Variants in CUL2 observed in about 807,000 individuals in gnomAD.
CUL2 encodes cullin-2.
CUL2 carries 22 observed loss-of-function variants against 110.2 expected under a neutral mutation model. The ratio of observed to expected loss-of-function variants is 0.20; its 90% confidence interval spans 0.14 to 0.28. The LOEUF (loss-of-function observed/expected upper bound fraction) is 0.28. Ranked by LOEUF, CUL2 falls within the 10% of genes least tolerant of loss-of-function variation. The pLI, the probability that CUL2 is intolerant of heterozygous loss-of-function variation, is 1.00. For missense variants in CUL2, 631 were observed against 905.5 expected (o/e 0.70, Z 3.89); for synonymous variants, 279 against 293.2 (o/e 0.95, Z 0.49).
intron 17 of CUL2, among the ~76,000 whole-genome samples, chr10:35,018,924 C>T (rs2085116331): frequency 6.6e-6 from 1 of 151,710 alleles, no homozygotes. Flanking sequence ...ATGGGAATAC[C>T]AAGAGAAAAA....
intron 6 of CUL2, among the ~76,000 whole-genome samples, chr10:35,046,385 C>T (rs780859432): frequency 3.3e-5 from 5 of 152,084 alleles, no homozygotes; most frequent in Admixed American, 6.6e-5. Context: ...GTATACACAC[C>T]CTATGACCCC....
At chr10:35,095,637 C>A (rs2087285932), upstream of CUL2, among the ~76,000 whole-genome samples, 1 of 152,146 alleles carries the variant, frequency 6.6e-6, no homozygotes, top group Admixed American at 6.5e-5. Flanking sequence ...CTGCTCACTG[C>A]AACCTCCGCC....
chr10:35,093,092 C>T (rs1311271236), upstream of CUL2, among the ~76,000 whole-genome samples: 2 of 152,074 alleles, frequency 1.3e-5, no homozygotes, highest in South Asian at 2.1e-4. Flanking sequence ...GAGGCAGGCT[C>T]AGCACTCAAG....
chr10:35,023,755 A>AC (rs1554854169), intron 17 of CUL2, among the ~76,000 whole-genome samples: 1 of 130,822 alleles, frequency 7.6e-6, no homozygotes, highest in East Asian at 2.2e-4. Context: ...TAGTTTTCTT[A>AC]GGGGAAAAAA....
Position 35,011,897 on chromosome 10 carries a change from C to T in CUL2, c.2057G>A (p.Arg686His). The T allele has an allele frequency of 3.1e-6, 5 of 1,613,890 alleles. No individual in the cohort carries two copies. Among genetic ancestry groups the T allele is most frequent in the Admixed American group, 1.7e-5 (1 of 60,006 alleles). ...AAGCACTTTTCGTGCTTTCATGATACGAACTATAGCAGCTTGGAGATACAT... is the reference window on the plus strand; with the variant it reads ...AAGCACTTTTCGTGCTTTCATGATATGAACTATAGCAGCTTGGAGATACAT... ...RKMYLQAAIV[R>H]IMKARKVLRH... Residue 686 changes from arginine (R) to histidine (H), a missense_variant, in exon 20 of 21, where the codon CGT (arginine) becomes CAT (histidine). Transcript: ENST00000374749.
intron 2 of CUL2, among the ~76,000 whole-genome samples, chr10:35,099,077 C>T (rs137987201): frequency 1.6e-4 from 24 of 152,102 alleles, no homozygotes; most frequent in African/African-American, 5.5e-4. Flanking sequence ...AGTTCCTGGG[C>T]TAAGGAAGGT....
intron 1 of CUL2, among the ~76,000 whole-genome samples, chr10:35,112,808 A>C (rs1453715312): frequency 2.6e-5 from 4 of 152,222 alleles, no homozygotes; most frequent in African/African-American, 9.6e-5. Flanking sequence ...AAATAGATCA[A>C]GATTAAAGGC....
chr10:35,028,316 T>C (rs1412964230), intron 16 of CUL2, among the ~76,000 whole-genome samples: 1 of 152,208 alleles, frequency 6.6e-6, no homozygotes, highest in Non-Finnish European at 1.5e-5. Flanking sequence ...TACAGGACTC[T>C]CCTCTATTAG....
chr10:35,111,699 C>A (rs918455863), intron 1 of CUL2, among the ~76,000 whole-genome samples: 3 of 152,110 alleles, frequency 2.0e-5, no homozygotes, highest in Admixed American at 6.5e-5. Context: ...ACCAGCCTGG[C>A]CAACATGGTG....
At chr10:35,057,854 G>A (rs1009995175) in intron 4 of CUL2, among the ~76,000 whole-genome samples, 1 of 152,072 alleles carries the variant, frequency 6.6e-6, no homozygotes, top group African/African-American at 2.4e-5. Context: ...AGCACTTTGG[G>A]AGGCTGAGGC....
chr10:35,083,756 A>G (rs2135051762), intron 1 of CUL2, among the ~76,000 whole-genome samples: 1 of 152,312 alleles, frequency 6.6e-6, no homozygotes, highest in South Asian at 2.1e-4. Context: ...TAATCCCAAC[A>G]CTTTGGGAAA....
At chr10:35,107,175 T>C (rs1031313271) in intron 1 of CUL2, among the ~76,000 whole-genome samples, 10 of 151,624 alleles carry the variant, frequency 6.6e-5, no homozygotes, top group African/African-American at 2.2e-4. Context: ...GGGGTTTCAC[T>C]GTGTTAGCCA....
chr10:35,045,248 A>G (rs564668695), intron 6 of CUL2, among the ~76,000 whole-genome samples: 31 of 152,340 alleles, frequency 2.0e-4, no homozygotes, highest in Admixed American at 7.2e-4. Flanking sequence ...CAAAGTCTTA[A>G]TCATATTAAG....
intron 1 of CUL2, among the ~76,000 whole-genome samples, chr10:35,081,055 A>T (rs1308218249): frequency 3.3e-5 from 5 of 152,078 alleles, no homozygotes; most frequent in Admixed American, 3.3e-4. Context: ...CTTTAAAAAA[A>T]AATAAAATTA....
At chr10:35,044,294 C>A (rs2085879654) in intron 8 of CUL2, among the ~76,000 whole-genome samples, 1 of 151,846 alleles carries the variant, frequency 6.6e-6, no homozygotes, top group Non-Finnish European at 1.5e-5. Flanking sequence ...CAAGAATGTG[C>A]ATATATATTA....
intron 17 of CUL2, among the ~76,000 whole-genome samples, chr10:35,018,008 G>A (rs754003879): frequency 2.6e-5 from 4 of 151,754 alleles, no homozygotes; most frequent in African/African-American, 4.8e-5. Flanking sequence ...AAATGAAATT[G>A]GGCCAGGCGT....
intron 11 of CUL2, among the ~76,000 whole-genome samples, chr10:35,032,810 G>A (rs2085511260): frequency 1.3e-5 from 2 of 151,668 alleles, no homozygotes; most frequent in Non-Finnish European, 2.9e-5. Flanking sequence ...GTATGCAAAA[G>A]TTCATGTAAA....
Position 35,011,741 on chromosome 10 carries a change from C to T in CUL2, c.2106+107G>A, listed in dbSNP as rs2084907456. On this transcript the variant is annotated intron_variant, in intron 20 of 20. Transcript: ENST00000374749. The stretch of plus-strand genomic sequence containing the variant: ...AGTATGAAACATTTCTTTATGCTAT[C>T]TGAGGATCAGGTTATTTCTGTATCC... The T allele has an allele frequency of 2.8e-5, 17 of 611,728 alleles. 2 individuals are homozygous for T. The South Asian group carries it at 4.1e-4, about 15-fold the overall frequency. The allele number at this position is 611,728 out of a possible 1,614,324, so 37.9% of individuals were successfully genotyped here. A position where few individuals can be genotyped will look rare whatever the true frequency, so the allele number is the denominator to read the frequency against.
At chr10:35,079,959 G>T (rs1402929941) in intron 1 of CUL2, among the ~76,000 whole-genome samples, 2 of 152,214 alleles carry the variant, frequency 1.3e-5, no homozygotes, top group Non-Finnish European at 2.9e-5. Context: ...TGGACAAAGG[G>T]ATGATTCACG....
Sources: gnomAD v4.1 joint callset for allele counts (sites outside exome capture counted in the v4.1 genomes callset) on GRCh38, gnomAD v4.1.1 for gene constraint, MANE v1.5 for transcripts, NCBI Gene and HGNC (gene_info 2026-07-23, HGNC 2026-07-21) for gene names.